TRANK1: variants seen among roughly 807,000 people sequenced by gnomAD.
TRANK1 encodes tetratricopeptide repeat and ankyrin repeat containing 1, also known as TPR and ankyrin repeat-containing protein 1.
TRANK1 carries 198 observed loss-of-function variants against 266.0 expected under a neutral mutation model. The observed-to-expected ratio is 0.74, with a 90% confidence interval of 0.66 to 0.84. The LOEUF (loss-of-function observed/expected upper bound fraction) is 0.84, where lower values mean the gene tolerates loss of function less well. TRANK1 is among the 40% of genes least tolerant of loss of function. The probability of loss-of-function intolerance (pLI) is 0.00; values close to 1 mark genes in which losing one functional copy is unlikely to be tolerated. For synonymous variants in TRANK1, 1,396 were observed against 1,384.1 expected, an observed-to-expected ratio of 1.01 and a Z score of -0.19; for missense variants, 3,326 against 3,634.6, an observed-to-expected ratio of 0.92 and a Z score of 2.18.
intron 1 of TRANK1, among the ~76,000 whole-genome samples, chr3:36,909,474 A>G (rs1029905979): frequency 1.3e-5 from 2 of 152,172 alleles, no homozygotes; most frequent in African/African-American, 4.8e-5. Flanking sequence ...GTCAGAGAAG[A>G]GGTCCTTTAG....
intron 10 of TRANK1, among the ~76,000 whole-genome samples, chr3:36,861,402 C>T (rs2079140218): frequency 6.6e-6 from 1 of 152,134 alleles, no homozygotes; most frequent in Non-Finnish European, 1.5e-5. Context: ...AGAATGATGA[C>T]TGTGTCTTAA....
chr3:36,845,386 C>T (rs1246657005), intron 17 of TRANK1, among the ~76,000 whole-genome samples: 2 of 152,196 alleles, frequency 1.3e-5, no homozygotes, highest in Non-Finnish European at 2.9e-5. Context: ...TTGTGAAACT[C>T]GGAAACCAAA....
At chr3:36,830,786 A>C in intron 22 of TRANK1, 87 bp downstream of exon 22, 1 of 1,407,948 alleles carries the variant, frequency 7.1e-7, no homozygotes, top group Admixed American at 2.7e-5. Context: ...CCCAAGTCAG[A>C]AGCCACGACA....
intron 1 of TRANK1, among the ~76,000 whole-genome samples, chr3:36,933,185 T>C (rs776939649): frequency 1.3e-5 from 2 of 152,222 alleles, no homozygotes; most frequent in Non-Finnish European, 2.9e-5. Flanking sequence ...GCCCACCTTA[T>C]CTTTAAAAAG....
At chr3:36,933,731 C>A (rs181054768) in intron 1 of TRANK1, among the ~76,000 whole-genome samples, 1 of 152,220 alleles carries the variant, frequency 6.6e-6, no homozygotes, top group Non-Finnish European at 1.5e-5. Context: ...TTTACAGAAC[C>A]TTTGCTTTGT....
chr3:36,844,722 T>C (rs2078892600), intron 17 of TRANK1, among the ~76,000 whole-genome samples: 1 of 152,176 alleles, frequency 6.6e-6, no homozygotes, highest in African/African-American at 2.4e-5. Context: ...TTTTAACTCC[T>C]AGCCTTTGAC....
rs749641022 is a variant in TRANK1, at chr3:36,832,620, G to A, written c.6963C>T (p.Arg2321=). 1 of 1,613,994 alleles carries A rather than the reference G, an allele frequency of 6.2e-7. No homozygotes were observed. Among genetic ancestry groups the A allele is most frequent in the Non-Finnish European group, 8.5e-7 (1 of 1,179,892 alleles). The change falls in exon 22 of 24, where the codon CGC becomes CGT. Residue 2321 remains arginine (R), a synonymous_variant. Coordinates refer to ENST00000645898, the MANE Select transcript of TRANK1 (RefSeq NM_001329998.2). The part of the protein sequence containing the change: ...IHFLFENESA[R]NRRESTDLWL... ...ACAGGTCTGTGGATTCCCGGCGGTTGCGTGCGCTTTCATTTTCAAACAGAA... is the reference window on the plus strand; with the variant it reads ...ACAGGTCTGTGGATTCCCGGCGGTTACGTGCGCTTTCATTTTCAAACAGAA...
chr3:36,942,327 G>A (rs1327167515), intron 1 of TRANK1, among the ~76,000 whole-genome samples: 6 of 151,982 alleles, frequency 3.9e-5, no homozygotes, highest in Non-Finnish European at 1.5e-5. Context: ...ACAAGTGATG[G>A]CCTTTCTGGG....
chr3:36,887,147 G>T (rs1224346784), intron 8 of TRANK1, among the ~76,000 whole-genome samples: 1 of 151,994 alleles, frequency 6.6e-6, no homozygotes, highest in Non-Finnish European at 1.5e-5. Context: ...TTGAAGATTT[G>T]CAAGGTAGAG....
intron 3 of TRANK1, among the ~76,000 whole-genome samples, chr3:36,901,675 A>G (rs1220703092): frequency 1.3e-5 from 2 of 152,164 alleles, no homozygotes; most frequent in Non-Finnish European, 2.9e-5. Flanking sequence ...AAGAAGGTAG[A>G]GGGAAAATTT....
chr3:36,827,595 T>C lies in TRANK1; in HGVS notation c.*680A>G, dbSNP rs2078645815. On this transcript the variant is annotated 3_prime_UTR_variant, in exon 24 of 24. Coordinates refer to ENST00000645898, the MANE Select transcript of TRANK1 (RefSeq NM_001329998.2). The stretch of plus-strand genomic sequence containing the variant: ...GACATCCAAAGAACACTGGGTGAAT[T>C]CTTGACTACATTCTGAGGTAGTCTA... 6.6e-6 allele frequency: 1 copy of C among 152,260 alleles called. No homozygotes were observed. Among genetic ancestry groups the C allele is most frequent in the Non-Finnish European group, 1.5e-5 (1 of 68,032 alleles). The allele number at this position is 152,260 out of a possible 1,614,324, so 9.4% of individuals were successfully genotyped here.
At chr3:36,865,720 A>G (rs1452887285) in intron 9 of TRANK1, among the ~76,000 whole-genome samples, 1 of 152,120 alleles carries the variant, frequency 6.6e-6, no homozygotes, top group Non-Finnish European at 1.5e-5. Context: ...AAACATACAC[A>G]TGTACACACA....
chr3:36,938,959 CA>C (rs1175563017), intron 1 of TRANK1, among the ~76,000 whole-genome samples: 239 of 137,158 alleles, frequency 1.7e-3, no homozygotes, highest in African/African-American at 3.8e-3. Flanking sequence ...GAATCCGTCT[CA>C]AAAAAAAAAA....
intron 9 of TRANK1, among the ~76,000 whole-genome samples, chr3:36,866,081 A>T (rs1376399161): frequency 6.6e-6 from 1 of 151,000 alleles, no homozygotes; most frequent in Non-Finnish European, 1.5e-5. Context: ...AGAAAGAAAG[A>T]AAGAAAGAAA....
intron 8 of TRANK1, among the ~76,000 whole-genome samples, chr3:36,878,662 C>G (rs1276979505): frequency 6.6e-6 from 1 of 151,750 alleles, no homozygotes; most frequent in Non-Finnish European, 1.5e-5. Context: ...TTATCAGGTA[C>G]TATACGTATT....
In TRANK1 at chr3:36,860,917, A is replaced by G. The variant is rs2079133356; in HGVS notation, c.1484T>C (p.Ile495Thr). Residue 495 changes from isoleucine (I) to threonine (T), a missense_variant, in exon 11 of 24, where the codon ATA becomes ACA. Transcript: ENST00000645898. ...CCAGTCACTCTCACCTCCACTGTCT[A>G]TCAGGCAGCCCAGAAGCTGTTTCTT... ...QRKKQLLGCL[I>T]DSGALPDGLQ... The G allele has an allele frequency of 3.3e-6, 5 of 1,537,364 alleles. No individual in the cohort carries two copies. Among genetic ancestry groups the G allele is most frequent in the Non-Finnish European group, 4.4e-6 (5 of 1,146,940 alleles).
At chr3:36,916,514 C>T (rs754384267) in intron 1 of TRANK1, among the ~76,000 whole-genome samples, 2 of 152,160 alleles carry the variant, frequency 1.3e-5, no homozygotes, top group Non-Finnish European at 2.9e-5. Flanking sequence ...GAGCCAAGAT[C>T]GTGCCACTGC....
intron 1 of TRANK1, among the ~76,000 whole-genome samples, chr3:36,910,853 T>C (rs1446476860): frequency 6.6e-6 from 1 of 152,194 alleles, no homozygotes; most frequent in Non-Finnish European, 1.5e-5. Context: ...GCGGATCACC[T>C]GAGGCCAGGA....
chr3:36,836,462 T>C (rs747183769), intron 20 of TRANK1, among the ~76,000 whole-genome samples: 13 of 152,216 alleles, frequency 8.5e-5, no homozygotes, highest in Non-Finnish European at 1.6e-4. Flanking sequence ...CAGAGAAAGA[T>C]GTCTTCTAGA....
Sources: allele counts gnomAD v4.1 joint callset (sites outside exome capture counted in the v4.1 genomes callset), GRCh38; gene constraint gnomAD v4.1.1; transcripts MANE v1.5; gene names NCBI Gene and HGNC (gene_info 2026-07-23, HGNC 2026-07-21).